STARD13: variants seen among roughly 807,000 people sequenced by gnomAD.
STARD13 encodes the protein StAR related lipid transfer domain containing 13.
In STARD13, 62 loss-of-function variants were observed where a neutral mutation model predicts 106.4. The observed-to-expected ratio is 0.58, with a 90% confidence interval of 0.48 to 0.72. The LOEUF is 0.72. STARD13 is among the 30% of genes least tolerant of loss of function. The pLI is 0.00. For synonymous variants in STARD13, 565 were observed against 553.0 expected (o/e 1.02, Z -0.31); for missense variants, 1,387 against 1,424.0 (o/e 0.97, Z 0.42).
chr13:33,408,885 G>A, the STARD13 span, among the ~76,000 whole-genome samples: 1 of 151,678 alleles, frequency 6.6e-6, no homozygotes, highest in Non-Finnish European at 1.5e-5. Flanking sequence ...CGAGATATCG[G>A]GATAGCTTTC....
At chr13:33,646,296 C>T in the STARD13 span, among the ~76,000 whole-genome samples, 1 of 152,196 alleles carries the variant, frequency 6.6e-6, no homozygotes, top group Non-Finnish European at 1.5e-5. Context: ...TAAAACGCGA[C>T]ATGGTAAAAT....
chr13:33,244,593 T>C (rs1441421625), intron 1 of STARD13, among the ~76,000 whole-genome samples: 1 of 152,080 alleles, frequency 6.6e-6, no homozygotes, highest in Admixed American at 6.5e-5. Context: ...GTGCAACTTA[T>C]GAGCCTAGGG....
the STARD13 span, among the ~76,000 whole-genome samples, chr13:33,624,524 T>C: frequency 0.034 from 5,129 of 152,304 alleles, 211 homozygotes; most frequent in East Asian, 0.17. Flanking sequence ...TTCCTTCAAG[T>C]TGGCAATGGT....
intron 1 of STARD13, among the ~76,000 whole-genome samples, chr13:33,254,004 T>C (rs17078887): frequency 0.02 from 3,057 of 152,336 alleles, 118 homozygotes; most frequent in African/African-American, 0.071. Flanking sequence ...ATTGAATATA[T>C]GCACTATTGG....
chr13:33,459,676 C>T, the STARD13 span, among the ~76,000 whole-genome samples: 1 of 152,156 alleles, frequency 6.6e-6, no homozygotes, highest in African/African-American at 2.4e-5. Context: ...TGTGCAGATT[C>T]GTGCTTCCAT....
chr13:33,302,502 A>C (rs1056591780), intron 1 of STARD13, among the ~76,000 whole-genome samples: 7 of 151,592 alleles, frequency 4.6e-5, no homozygotes, highest in Non-Finnish European at 1.0e-4. Context: ...TGAAGCCTTG[A>C]CCTCCCTGGG....
chr13:33,142,575 A>C (rs1326609092), intron 3 of STARD13, among the ~76,000 whole-genome samples: 2 of 152,128 alleles, frequency 1.3e-5, no homozygotes, highest in Non-Finnish European at 2.9e-5. Flanking sequence ...GGACTCTACC[A>C]CTAAGCCTAC....
At chr13:33,180,693 G>A (rs1383228801) in intron 1 of STARD13, among the ~76,000 whole-genome samples, 4 of 152,158 alleles carry the variant, frequency 2.6e-5, no homozygotes, top group Non-Finnish European at 5.9e-5. Flanking sequence ...TGTATATTCA[G>A]GGATCTGCTT....
chr13:33,238,918 A>G (rs1263860470), intron 1 of STARD13, among the ~76,000 whole-genome samples: 1 of 152,134 alleles, frequency 6.6e-6, no homozygotes, highest in Admixed American at 6.5e-5. Flanking sequence ...TTAATGTGTT[A>G]AGAGGTAACA....
At chr13:33,517,543 T>C in the STARD13 span, among the ~76,000 whole-genome samples, 2 of 152,282 alleles carry the variant, frequency 1.3e-5, no homozygotes, top group South Asian at 4.1e-4. Flanking sequence ...TTACATCCAG[T>C]AAGACAGTTC....
At chr13:33,471,913 G>T in the STARD13 span, among the ~76,000 whole-genome samples, 2 of 151,940 alleles carry the variant, frequency 1.3e-5, no homozygotes, top group Admixed American at 1.3e-4. Flanking sequence ...TTCTTTATAA[G>T]TACTTTATAT....
rs1359753440 is a variant in STARD13 at position 33,129,719 on chromosome 13, T to G, written c.958A>C (p.Arg320=). 3.7e-6 allele frequency: 6 copies of G among 1,614,044 alleles called. No individual in the cohort carries two copies. The African/African-American group carries it at 8.0e-5, about 22-fold the overall frequency. The stretch of plus-strand genomic sequence containing the variant: ...TTGCCAGAGCATGGGAGCCCTTTTC[T>G]GCAGGCAGGTGGCGGCGAATTCTGG... The part of the protein sequence containing the change: ...DLQNSPPPAC[R]KGLPCSGKSS... Residue 320 remains arginine, a synonymous_variant, in exon 5 of 14, where the codon AGA becomes CGA. Coordinates refer to ENST00000336934, the MANE Select transcript of STARD13 (RefSeq NM_178006.4).
At chr13:33,368,734 A>G in the STARD13 span, among the ~76,000 whole-genome samples, 1 of 152,090 alleles carries the variant, frequency 6.6e-6, no homozygotes, top group African/African-American at 2.4e-5. Context: ...GACAGAAACA[A>G]GGTGGTGGCT....
At chr13:33,374,166 T>C in the STARD13 span, among the ~76,000 whole-genome samples, 1 of 152,190 alleles carries the variant, frequency 6.6e-6, no homozygotes, top group East Asian at 1.9e-4. Flanking sequence ...GACATTATAC[T>C]AAGTGAAATA....
chr13:33,263,293 A>G (rs1179272817), intron 1 of STARD13, among the ~76,000 whole-genome samples: 3 of 152,002 alleles, frequency 2.0e-5, no homozygotes, highest in Admixed American at 1.3e-4. Context: ...ATATTACCAA[A>G]TGTTCCCTGG....
intron 1 of STARD13, among the ~76,000 whole-genome samples, chr13:33,210,868 C>T (rs1011164173): frequency 1.3e-5 from 2 of 152,148 alleles, no homozygotes; most frequent in Non-Finnish European, 2.9e-5. Flanking sequence ...AGGGCACCTC[C>T]ACATCAGAAT....
the STARD13 span, among the ~76,000 whole-genome samples, chr13:33,640,257 A>G: frequency 5.9e-5 from 9 of 152,152 alleles, no homozygotes; most frequent in African/African-American, 2.2e-4. Flanking sequence ...AGCTGCCCAT[A>G]TCTTTGTCTT....
chr13:33,658,678 G>A, the STARD13 span, among the ~76,000 whole-genome samples: 2 of 152,090 alleles, frequency 1.3e-5, no homozygotes, highest in Non-Finnish European at 2.9e-5. Flanking sequence ...CTCCTTTCCT[G>A]GAAACAACTA....
the STARD13 span, among the ~76,000 whole-genome samples, chr13:33,372,486 G>C: frequency 6.6e-6 from 1 of 151,398 alleles, no homozygotes; most frequent in African/African-American, 2.4e-5. Context: ...AAGCAATCTC[G>C]TATGCCTTCT....
Sources: gnomAD v4.1 joint callset for allele counts (sites outside exome capture counted in the v4.1 genomes callset) on GRCh38, gnomAD v4.1.1 for gene constraint, MANE v1.5 for transcripts, NCBI Gene and HGNC (gene_info 2026-07-23, HGNC 2026-07-21) for gene names.